Variants in DGKD observed in about 807,000 individuals in gnomAD.
DGKD encodes DAG kinase delta.
Under a neutral mutation model 154.4 loss-of-function variants are expected in DGKD, and 68 were observed. The ratio of observed to expected loss-of-function variants is 0.44; its 90% confidence interval spans 0.36 to 0.54. DGKD has a LOEUF of 0.54. Among genes scored for constraint, DGKD ranks in the 20% least tolerant of loss-of-function variants. The pLI is 0.00. For synonymous variants in DGKD, 693 were observed against 638.0 expected (o/e 1.09, Z -1.30); for missense variants, 1,343 against 1,593.6 (o/e 0.84, Z 2.68).
At chr2:233,425,492 T>C (rs188969718) in intron 3 of DGKD, among the ~76,000 whole-genome samples, 3 of 152,204 alleles carry the variant, frequency 2.0e-5, no homozygotes, top group Admixed American at 6.5e-5. Context: ...CGGCCGACTT[T>C]ATTCTTTTTT....
chr2:233,366,862 G>A (rs1384744063), intron 1 of DGKD, among the ~76,000 whole-genome samples: 1 of 152,164 alleles, frequency 6.6e-6, no homozygotes, highest in African/African-American at 2.4e-5. Context: ...GGACTGGCAG[G>A]GGAGGAGAAA....
chr2:233,451,117 A>G (rs1229430712), intron 17 of DGKD, 67 bp downstream of exon 17: 4 of 1,527,258 alleles, frequency 2.6e-6, no homozygotes, highest in Non-Finnish European at 3.6e-6. Context: ...TCAAACTGAA[A>G]GAGATGGGCT....
chr2:233,363,213 A>G (rs1574976164), intron 1 of DGKD, among the ~76,000 whole-genome samples: 1 of 152,206 alleles, frequency 6.6e-6, no homozygotes, highest in Non-Finnish European at 1.5e-5. Flanking sequence ...GTCCCTGAAG[A>G]CCTTCCAGTG....
At chr2:233,422,970 A>G (rs2062168319) in intron 3 of DGKD, among the ~76,000 whole-genome samples, 1 of 152,252 alleles carries the variant, frequency 6.6e-6, no homozygotes, top group South Asian at 2.1e-4. Context: ...CTCCATTTCT[A>G]TAATTTGGTC....
chr2:233,447,864 T>C, intron 12 of DGKD: 1 of 1,378,978 alleles, frequency 7.3e-7, no homozygotes, highest in Non-Finnish European at 9.4e-7. Flanking sequence ...GCAGTTTGCC[T>C]GCAGCTTGAC....
At chr2:233,461,511 G>A (rs2063643140) in intron 24 of DGKD, among the ~76,000 whole-genome samples, 1 of 152,224 alleles carries the variant, frequency 6.6e-6, no homozygotes, top group South Asian at 2.1e-4. Context: ...TGCCCCAGGA[G>A]TTGGTGCCAC....
At chr2:233,447,598 C>G in intron 12 of DGKD, 1 of 986,272 alleles carries the variant, frequency 1.0e-6, no homozygotes. Flanking sequence ...GTGAAGTTTG[C>G]GACCCTGGGG....
chr2:233,397,161 G>C (rs1375283415), intron 3 of DGKD, among the ~76,000 whole-genome samples: 1 of 115,730 alleles, frequency 8.6e-6, no homozygotes, highest in African/African-American at 3.7e-5. Context: ...GTGGCTGCGG[G>C]GGGGGCCAGA....
At chr2:233,400,224 T>A (rs1236843267) in intron 3 of DGKD, among the ~76,000 whole-genome samples, 1 of 152,188 alleles carries the variant, frequency 6.6e-6, no homozygotes, top group Non-Finnish European at 1.5e-5. Flanking sequence ...AGCAAAGATT[T>A]TCTAGACTAA....
chr2:233,394,398 A>T (rs1052791685), intron 3 of DGKD, among the ~76,000 whole-genome samples: 2 of 151,742 alleles, frequency 1.3e-5, no homozygotes, highest in Admixed American at 1.3e-4. Flanking sequence ...GCTTGATACC[A>T]TGCCTGGCTA....
rs2062778086 is a variant in DGKD, at chr2:233,438,639, C to T, written c.1085+260C>T. Among the ~76,000 whole-genome samples the T allele has an allele frequency of 6.6e-6, 1 of 152,186 alleles. No homozygotes were observed. The highest frequency in any genetic ancestry group is 2.4e-5 in the African/African-American group (1 of 41,446). On this transcript the variant is annotated intron_variant, in intron 9 of 29. Coordinates refer to ENST00000264057, the MANE Select transcript of DGKD (RefSeq NM_152879.3). The surrounding 1 kb of genome is among the most constrained non-coding windows in gnomAD (Gnocchi z 4.1). ...ACCCATGCACGTGCATCTTTTGAGC[C>T]AATCAGGATTCTTCTTTACCTGCCG...
intron 3 of DGKD, among the ~76,000 whole-genome samples, chr2:233,433,643 C>T (rs1424099610): frequency 6.6e-6 from 1 of 152,148 alleles, no homozygotes; most frequent in African/African-American, 2.4e-5. Context: ...ACCCCATTTA[C>T]TCTGTGATTA....
intron 1 of DGKD, among the ~76,000 whole-genome samples, chr2:233,366,307 G>C (rs1702026140): frequency 6.6e-6 from 1 of 152,196 alleles, no homozygotes; most frequent in African/African-American, 2.4e-5. Context: ...GATGCTGGCT[G>C]ACCCAATGCA....
chr2:233,447,889 C>T, intron 12 of DGKD, 198 bp from the exon 13 acceptor site: 3 of 1,410,444 alleles, frequency 2.1e-6, no homozygotes, highest in Non-Finnish European at 2.8e-6. Context: ...CTTTTAAAAT[C>T]TCTCACCTAG....
chr2:233,437,435 T>C lies in DGKD; in HGVS notation c.878T>C (p.Val293Ala). The C allele has an allele frequency of 6.2e-7, 1 of 1,614,208 alleles. No individual in the cohort carries two copies. The highest frequency in any genetic ancestry group is 8.5e-7 in the Non-Finnish European group (1 of 1,180,030). ...AAGTGCCCACTTGGCCTGTGCAAAG[T>C]GTCAGTCATCCCACCCACGGCTCTC... is the stretch of plus-strand genomic sequence containing the variant. ...LTKCPLGLCKVSVIPPTALNS... is the reference protein window; with the variant it reads ...LTKCPLGLCKASVIPPTALNS... Residue 293 changes from valine (V) to alanine (A), a missense_variant, in exon 8 of 30, where the codon GTG (valine) becomes GCG (alanine). Physicochemically the swap from Val to Ala is moderately conservative, Grantham distance 64 (BLOSUM62 0). Coordinates refer to ENST00000264057, the MANE Select transcript of DGKD (RefSeq NM_152879.3).
At chr2:233,378,530 G>A (rs6726032) in intron 1 of DGKD, among the ~76,000 whole-genome samples, 4,996 of 152,170 alleles carry the variant, frequency 0.033, 264 homozygotes, top group African/African-American at 0.11. Flanking sequence ...GATTACAGGC[G>A]TGATCCACTG....
chr2:233,419,171 A>G (rs1194015409), intron 3 of DGKD: 1 of 968,224 alleles, frequency 1.0e-6, no homozygotes, highest in Non-Finnish European at 1.2e-6. Flanking sequence ...CAAGCGCTGC[A>G]GCCCAGGAGC....
intron 1 of DGKD, among the ~76,000 whole-genome samples, chr2:233,356,361 G>T (rs1043138421): frequency 1.3e-5 from 2 of 152,162 alleles, no homozygotes; most frequent in East Asian, 3.8e-4. Context: ...GCAAGAGGTG[G>T]CCACAGAGGA....
At position 233,440,267 on chromosome 2, in the gene DGKD, G is replaced by A. The variant is rs901680692; in HGVS notation, c.1086-1620G>A. Among the ~76,000 whole-genome samples the A allele has an allele frequency of 6.6e-6, 1 of 152,124 alleles. No individual in the cohort carries two copies. Among genetic ancestry groups the A allele is most frequent in the Non-Finnish European group, 1.5e-5 (1 of 68,028 alleles). On this transcript the variant is annotated intron_variant, in intron 9 of 29. Coordinates refer to ENST00000264057, the MANE Select transcript of DGKD (RefSeq NM_152879.3). The surrounding 1 kb of genome is among the most constrained non-coding windows in gnomAD (Gnocchi z 4.9). ...GCCTTGACCTGTCACCTCTTCTCCC[G>A]AGAGCAGGGGGCCTTACAGGTGTCA...
Sources: gnomAD v4.1 joint callset for allele counts (sites outside exome capture counted in the v4.1 genomes callset) on GRCh38, gnomAD v4.1.1 for gene constraint, Gnocchi (gnomAD v3.1) non-coding constraint, MANE v1.5 for transcripts, NCBI Gene and HGNC (gene_info 2026-07-23, HGNC 2026-07-21) for gene names.